MYLK3: variants seen among roughly 807,000 people sequenced by gnomAD.
The protein encoded by MYLK3 is MLC kinase.
MYLK3 carries 55 observed loss-of-function variants against 76.3 expected under a neutral mutation model. The ratio of observed to expected loss-of-function variants is 0.72; its 90% CI spans 0.58 to 0.90. MYLK3 has a LOEUF of 0.90. Ranked by LOEUF, MYLK3 falls within the 40% of genes least tolerant of loss-of-function variation. MYLK3 has a pLI of 0.00. For missense variants in MYLK3, 973 were observed against 1,053.6 expected (o/e 0.92, Z 1.06); for synonymous variants, 416 against 425.4 (o/e 0.98, Z 0.27).
At chr16:46,762,989 G>A in intron 1 of MYLK3, 1 of 985,128 alleles carries the variant, frequency 1.0e-6, no homozygotes, top group Non-Finnish European at 1.2e-6. Flanking sequence ...ATACACTGCT[G>A]AAAACACCCC....
intron 4 of MYLK3, among the ~76,000 whole-genome samples, chr16:46,731,238 C>T (rs1966851932): frequency 6.6e-6 from 1 of 152,206 alleles, no homozygotes; most frequent in African/African-American, 2.4e-5. Context: ...GGCCCCGGGG[C>T]ACAGGATTGG....
At position 46,704,140 on chromosome 16, in the gene MYLK3, T is replaced by G. The variant is rs1305374535; in HGVS notation, c.*3564A>C. ...TTTGTCAGGGGTGGGGACAAAGTTT[T>G]GCTCTGCCACCCAGGCTGGAGTGCA... On this transcript the variant is annotated 3_prime_UTR_variant, in exon 13 of 13. Coordinates refer to ENST00000394809, the MANE Select transcript of MYLK3 (RefSeq NM_182493.3). 1.3e-5 allele frequency: 2 copies of G among 152,268 alleles called. No individual in the cohort carries two copies. The highest frequency in any genetic ancestry group is 2.9e-5 in the Non-Finnish European group (2 of 68,080). 9.4% of individuals were successfully genotyped at this position (152,268 alleles called of 1,614,324 possible). A position where few individuals can be genotyped will look rare whatever the true frequency, so the allele number is the denominator to read the frequency against.
At chr16:46,758,927 T>C (rs1201085176) in intron 1 of MYLK3, among the ~76,000 whole-genome samples, 1 of 152,240 alleles carries the variant, frequency 6.6e-6, no homozygotes, top group Non-Finnish European at 1.5e-5. Flanking sequence ...TGGTTGCTTA[T>C]TCTTCCATAG....
At chr16:46,740,518 A>AAT (rs1188581243) in intron 1 of MYLK3, among the ~76,000 whole-genome samples, 20 of 128,010 alleles carry the variant, frequency 1.6e-4, no homozygotes, top group East Asian at 1.1e-3. Flanking sequence ...TATATACATA[A>AAT]ATATATATAT....
chr16:46,754,215 A>T (rs1596778583), intron 1 of MYLK3, among the ~76,000 whole-genome samples: 1 of 152,218 alleles, frequency 6.6e-6, no homozygotes, highest in East Asian at 1.9e-4. Flanking sequence ...AAGAGAAATG[A>T]AAGAAGGAAA....
intron 8 of MYLK3, among the ~76,000 whole-genome samples, chr16:46,724,618 T>C (rs1250049842): frequency 2.6e-5 from 4 of 152,222 alleles, no homozygotes; most frequent in South Asian, 2.1e-4. Context: ...AATGTAATGG[T>C]TTATGTCTAG....
At chr16:46,743,461 C>A (rs573488195) in intron 1 of MYLK3, among the ~76,000 whole-genome samples, 3 of 152,306 alleles carry the variant, frequency 2.0e-5, no homozygotes, top group African/African-American at 7.2e-5. Context: ...CCTGCAAGAC[C>A]TGCCCTGGCC....
In MYLK3 at chr16:46,740,139, C is replaced by G; in HGVS notation, c.486G>C (p.Glu162Asp). Residue 162 changes from glutamate to aspartate, a missense_variant, in exon 2 of 13, where the codon GAG (glutamate) becomes GAC (aspartate). By Grantham distance (45) the Glu-to-Asp change is conservative. This residue lies in a region of MYLK3 where 641 missense variants were observed against 637.0 expected (regional missense o/e 1.01). Coordinates refer to ENST00000394809, the MANE Select transcript of MYLK3 (RefSeq NM_182493.3). ...SPGDSPEENK[E>D]RVEEEGGKPK... is the part of the protein sequence containing the mutation. ...GTTTTCCTCCCTCTTCTTCCACTCG[C>G]TCTTTATTCTAAAATAACAACCATA... is the stretch of plus-strand genomic sequence containing the variant. 1 of 1,613,606 alleles carries G rather than the reference C, an allele frequency of 6.2e-7. No individual in the cohort carries two copies. Among genetic ancestry groups the G allele is most frequent in the Non-Finnish European group, 8.5e-7 (1 of 1,179,642 alleles).
chr16:46,716,526 T>C (rs1966742436), intron 9 of MYLK3, among the ~76,000 whole-genome samples: 1 of 151,616 alleles, frequency 6.6e-6, no homozygotes, highest in Non-Finnish European at 1.5e-5. Flanking sequence ...TGTGTGTGTG[T>C]GTGTGTGTAT....
intron 1 of MYLK3, among the ~76,000 whole-genome samples, chr16:46,742,604 G>A (rs1966951880): frequency 6.6e-6 from 1 of 152,160 alleles, no homozygotes; most frequent in African/African-American, 2.4e-5. Flanking sequence ...CAACCCTAAG[G>A]TGGTGGTTCC....
chr16:46,747,723 A>G lies in MYLK3; in HGVS notation c.471T>C (p.Pro157=). The part of the protein sequence containing the change: ...PWRRGSPGDS[P]EENKERVEEE... ...CAGGGAAGCAGGAACCAACCTCCTCAGGGCTGTCACCTGGGCTGCCTCTCC... is the reference window on the plus strand; with the variant it reads ...CAGGGAAGCAGGAACCAACCTCCTCGGGGCTGTCACCTGGGCTGCCTCTCC... The change falls in exon 1 of 13, where the codon CCT becomes CCC. Residue 157 remains proline, a synonymous_variant. Transcript: ENST00000394809. 1 of 1,613,044 alleles carries G rather than the reference A, an allele frequency of 6.2e-7. No individual in the cohort carries two copies. The highest frequency in any genetic ancestry group is 8.5e-7 in the Non-Finnish European group (1 of 1,179,564).
At chr16:46,762,064 C>CT (rs879692287) in intron 1 of MYLK3, among the ~76,000 whole-genome samples, 3 of 152,198 alleles carry the variant, frequency 2.0e-5, no homozygotes, top group Non-Finnish European at 4.4e-5. Context: ...AGGAACGAGT[C>CT]TTTGAAAGTT....
chr16:46,727,635 T>G (rs1966845290), intron 7 of MYLK3, among the ~76,000 whole-genome samples: 1 of 152,206 alleles, frequency 6.6e-6, no homozygotes. Flanking sequence ...CAAGTGATTC[T>G]CCTGCCTCAG....
chr16:46,730,452 C>T, intron 5 of MYLK3, 141 bp downstream of exon 5: 1 of 679,146 alleles, frequency 1.5e-6, no homozygotes, highest in Non-Finnish European at 2.6e-6. Context: ...CCATGCTGTA[C>T]AGGATGTCCC....
rs1286398978 is a variant in MYLK3 at position 46,703,295 on chromosome 16, T to TA, written c.*4408dup. On this transcript the variant is annotated 3_prime_UTR_variant, in exon 13 of 13. Coordinates refer to ENST00000394809, the MANE Select transcript of MYLK3 (RefSeq NM_182493.3). ...TGGGCCATTAGCAACAGTGCTATAG[T>TA]AAACATCATTTTGAATAAATCTCTA... The TA allele has an allele frequency of 6.6e-6, 1 of 152,228 alleles. No individual in the cohort carries two copies. The highest frequency in any genetic ancestry group is 1.5e-5 in the Non-Finnish European group (1 of 68,040). 9.4% of individuals were successfully genotyped at this position (152,228 alleles called of 1,614,324 possible).
At chr16:46,759,142 T>G (rs1967243778) in intron 1 of MYLK3, among the ~76,000 whole-genome samples, 3 of 152,218 alleles carry the variant, frequency 2.0e-5, no homozygotes, top group Non-Finnish European at 2.9e-5. Flanking sequence ...CCGGTGCCAC[T>G]GGGTTTGCTC....
intron 9 of MYLK3, among the ~76,000 whole-genome samples, chr16:46,719,961 T>C (rs2143013557): frequency 6.6e-6 from 1 of 152,256 alleles, no homozygotes; most frequent in Non-Finnish European, 1.5e-5. Context: ...GAGGATCACT[T>C]GAGGTCAGGA....
intron 1 of MYLK3, among the ~76,000 whole-genome samples, chr16:46,743,251 C>T (rs1345129191): frequency 6.6e-6 from 1 of 152,184 alleles, no homozygotes; most frequent in Non-Finnish European, 1.5e-5. Flanking sequence ...TCAGGAGGAC[C>T]TTCAAAAAGT....
intron 1 of MYLK3, among the ~76,000 whole-genome samples, chr16:46,741,725 C>A (rs1021485316): frequency 1.3e-5 from 2 of 152,130 alleles, no homozygotes; most frequent in Non-Finnish European, 2.9e-5. Context: ...TAATTAGAAG[C>A]CCAGAGGCCA....
Sources: gnomAD v4.1 joint callset for allele counts (sites outside exome capture counted in the v4.1 genomes callset) on GRCh38, gnomAD v4.1.1 for gene constraint, gnomAD v4.1.1 regional missense constraint, MANE v1.5 for transcripts, NCBI Gene and HGNC (gene_info 2026-07-23, HGNC 2026-07-21) for gene names.